The following CFAP77 variants were observed in gnomAD, a reference collection of about 807,000 sequenced individuals.
CFAP77 encodes cilia- and flagella-associated protein 77.
Under a neutral mutation model 31.1 loss-of-function variants are expected in CFAP77, and 25 were observed. The observed-to-expected ratio is 0.80, with a 90% CI of 0.59 to 1.12. The LOEUF (loss-of-function observed/expected upper bound fraction) is 1.12, where lower values mean the gene tolerates loss of function less well. CFAP77 is among the 50% of genes most tolerant of loss of function. The pLI is 0.00. For missense variants in CFAP77, 377 were observed against 397.3 expected (o/e 0.95, Z 0.44); for synonymous variants, 151 against 159.9 (o/e 0.94, Z 0.42).
chr9:132,433,134 A>G (rs1850442117), intron 1 of CFAP77, among the ~76,000 whole-genome samples: 1 of 151,908 alleles, frequency 6.6e-6, no homozygotes, highest in Non-Finnish European at 1.5e-5. Context: ...ACAGGCGTGA[A>G]CCACCATGTC....
chr9:132,562,930 C>A (rs1405505040), intron 5 of CFAP77, among the ~76,000 whole-genome samples: 2 of 152,042 alleles, frequency 1.3e-5, no homozygotes, highest in Admixed American at 1.3e-4. Flanking sequence ...AAACTCCTGA[C>A]CTCGTGATCT....
intron 1 of CFAP77, among the ~76,000 whole-genome samples, chr9:132,413,198 A>G (rs963628981): frequency 9.9e-5 from 15 of 152,214 alleles, no homozygotes; most frequent in African/African-American, 3.1e-4. Context: ...CAAACTCAAC[A>G]GTGTTATTTC....
chr9:132,426,578 G>A lies in CFAP77; in HGVS notation c.195+16112G>A, dbSNP rs1389189843. Among the ~76,000 whole-genome samples the A allele has an allele frequency of 2.6e-5, 4 of 151,482 alleles. No homozygotes were observed. The Admixed American group carries it at 2.6e-4, about 10-fold the overall frequency. The stretch of plus-strand genomic sequence containing the variant: ...GCTTCAGACCCTTTAAACTGTGGGT[G>A]AGTTTCTGACAGTCATCCACATTTG... On this transcript the variant is annotated intron_variant, in intron 1 of 5. Coordinates refer to ENST00000393216, the MANE Select transcript of CFAP77 (RefSeq NM_001282957.2).
chr9:132,445,213 A>G (rs1225721295), intron 1 of CFAP77, among the ~76,000 whole-genome samples: 1 of 152,114 alleles, frequency 6.6e-6, no homozygotes, highest in Admixed American at 6.6e-5. Context: ...ACCTCAGGTG[A>G]TCTGCCCGCC....
chr9:132,468,807 A>G (rs1851201747), intron 1 of CFAP77, among the ~76,000 whole-genome samples: 1 of 150,772 alleles, frequency 6.6e-6, no homozygotes, highest in Admixed American at 6.6e-5. Flanking sequence ...ACACACACAC[A>G]CACGCACGCA....
In CFAP77 at chr9:132,552,006, A is replaced by G. The variant is rs574845872; in HGVS notation, c.732+8959A>G. 1.3e-5 allele frequency among the ~76,000 whole-genome samples: 2 copies of G among 152,324 alleles called. No individual in the cohort carries two copies. The highest frequency in any genetic ancestry group is 2.1e-4 in the South Asian group (1 of 4,826). On this transcript the variant is annotated intron_variant, in intron 5 of 5. Coordinates refer to ENST00000393216, the MANE Select transcript of CFAP77 (RefSeq NM_001282957.2). The surrounding 1 kb of genome is among the most constrained non-coding windows in gnomAD (Gnocchi z 5.5). ...CCCAAAAGCCTCTAGACCTTGATAA[A>G]ACCTCGGGCATCTTTTAAATTGCAG...
chr9:132,502,277 T>TGG (rs140877509), intron 3 of CFAP77, among the ~76,000 whole-genome samples: 16,747 of 123,232 alleles, frequency 0.14, 1,458 homozygotes, highest in East Asian at 0.47. Context: ...TTTTTTTTTT[T>TGG]GGGGGAGGGG....
chr9:132,566,195 C>T (rs368489448), intron 5 of CFAP77, among the ~76,000 whole-genome samples: 3 of 152,108 alleles, frequency 2.0e-5, no homozygotes, highest in Admixed American at 6.5e-5. Flanking sequence ...GCATGTGCGG[C>T]GGAGCCATGA....
chr9:132,505,626 A>C (rs1851919199), intron 3 of CFAP77, among the ~76,000 whole-genome samples: 3 of 152,148 alleles, frequency 2.0e-5, no homozygotes. Flanking sequence ...CATTTTTAAA[A>C]AGTCAGGAGA....
chr9:132,505,596 A>G (rs1355005758), intron 3 of CFAP77, among the ~76,000 whole-genome samples: 1 of 152,142 alleles, frequency 6.6e-6, no homozygotes, highest in Non-Finnish European at 1.5e-5. Context: ...ATTAAAGGAA[A>G]AAAAAAGGTT....
chr9:132,566,978 T>G (rs1157426993), intron 5 of CFAP77, among the ~76,000 whole-genome samples: 3 of 152,158 alleles, frequency 2.0e-5, no homozygotes, highest in Non-Finnish European at 4.4e-5. Context: ...TTTAAACACT[T>G]CTCAAATGCC....
chr9:132,452,921 T>C (rs572383543), intron 1 of CFAP77, among the ~76,000 whole-genome samples: 15 of 152,278 alleles, frequency 9.9e-5, no homozygotes, highest in African/African-American at 3.6e-4. Flanking sequence ...ATTCCTAATA[T>C]ACCTGAAAAG....
At chr9:132,566,797 T>C (rs1829889377) in intron 5 of CFAP77, among the ~76,000 whole-genome samples, 1 of 152,232 alleles carries the variant, frequency 6.6e-6, no homozygotes, top group Admixed American at 6.5e-5. Flanking sequence ...TCTGCGGATC[T>C]GTTTCCCTCC....
At chr9:132,435,341 A>G (rs185898143) in intron 1 of CFAP77, among the ~76,000 whole-genome samples, 16 of 152,312 alleles carry the variant, frequency 1.1e-4, no homozygotes, top group African/African-American at 3.8e-4. Context: ...AGAGAGAGAA[A>G]AAGAGAGAGA....
At chr9:132,412,912 A>G (rs1334244748) in intron 1 of CFAP77, among the ~76,000 whole-genome samples, 3 of 152,196 alleles carry the variant, frequency 2.0e-5, no homozygotes, top group South Asian at 4.1e-4. Flanking sequence ...TTTCACCATC[A>G]TAGATTTTCA....
chr9:132,496,586 T>A (rs556822799), intron 1 of CFAP77, among the ~76,000 whole-genome samples: 1 of 152,368 alleles, frequency 6.6e-6, no homozygotes, highest in African/African-American at 2.4e-5. Context: ...GATGGAATCA[T>A]GCAGGATGCG....
chr9:132,498,426 T>C lies in CFAP77; in HGVS notation c.196-269T>C, dbSNP rs1851780722. Among the ~76,000 whole-genome samples the C allele has an allele frequency of 6.6e-6, 1 of 151,986 alleles. No individual in the cohort carries two copies. The highest frequency in any genetic ancestry group is 1.5e-5 in the Non-Finnish European group (1 of 67,992). On this transcript the variant is annotated intron_variant, in intron 1 of 5. Coordinates refer to ENST00000393216, the MANE Select transcript of CFAP77 (RefSeq NM_001282957.2). The surrounding 1 kb of genome is among the most constrained non-coding windows in gnomAD (Gnocchi z 4.2). ...GGGACTGTGCTCCCCACTCCAACAA[T>C]ACACATGTACCGAGAGGCCCCCCGT... is the stretch of plus-strand genomic sequence containing the variant.
rs557330122 is a variant in CFAP77 at position 132,488,242 on chromosome 9, T to A, written c.196-10453T>A. On this transcript the variant is annotated intron_variant, in intron 1 of 5. Transcript: ENST00000393216. ...TGATGGAATGAACGTCTTTGGTGGGTCTGACACTCAGGCATCGAGCTCCCT... is the reference window on the plus strand; with the variant it reads ...TGATGGAATGAACGTCTTTGGTGGGACTGACACTCAGGCATCGAGCTCCCT... Among the ~76,000 whole-genome samples, 3 of 152,226 alleles carry A rather than the reference T, an allele frequency of 2.0e-5. No individual in the cohort carries two copies. In the South Asian group the frequency reaches 6.2e-4, roughly 32 times the overall value.
intron 1 of CFAP77, among the ~76,000 whole-genome samples, chr9:132,429,249 TCTC>T: frequency 6.6e-6 from 1 of 151,866 alleles, no homozygotes; most frequent in East Asian, 1.9e-4. Context: ...ATCTTTAATG[TCTC>T]CTTTCCAGCC....
Sources: gnomAD v4.1 joint callset for allele counts (sites outside exome capture counted in the v4.1 genomes callset) on GRCh38, gnomAD v4.1.1 for gene constraint, Gnocchi (gnomAD v3.1) non-coding constraint, MANE v1.5 for transcripts, NCBI Gene and HGNC (gene_info 2026-07-23, HGNC 2026-07-21) for gene names.